DPH6: variants seen among roughly 807,000 people sequenced by gnomAD.
DPH6 encodes diphthine--ammonia ligase.
In DPH6, 33 loss-of-function variants were observed where a neutral mutation model predicts 38.2. That is an observed-to-expected ratio of 0.86 (90% CI 0.65 to 1.15). DPH6 has a LOEUF of 1.15. Among genes scored for constraint, DPH6 ranks in the 50% most tolerant of loss-of-function variants. The pLI is 0.00. For missense variants in DPH6, 325 were observed against 320.0 expected (o/e 1.02, Z -0.12); for synonymous variants, 108 against 103.0 (o/e 1.05, Z -0.30).
At chr15:35,531,985 T>C (rs1183004855) in intron 3 of DPH6, among the ~76,000 whole-genome samples, 1 of 152,036 alleles carries the variant, frequency 6.6e-6, no homozygotes, top group Non-Finnish European at 1.5e-5. Flanking sequence ...ATAGACAAGC[T>C]GCCATGGAAC....
chr15:35,250,215 AT>A (rs1342476987), intron 3 of DPH6, among the ~76,000 whole-genome samples: 1 of 151,394 alleles, frequency 6.6e-6, no homozygotes, highest in African/African-American at 2.4e-5. Flanking sequence ...AAACAAAAAA[AT>A]AAAAAAAATA....
At chr15:35,197,249 T>C in the DPH6 span, among the ~76,000 whole-genome samples, 1 of 152,090 alleles carries the variant, frequency 6.6e-6, no homozygotes, top group Non-Finnish European at 1.5e-5. Flanking sequence ...AAATCTACAA[T>C]AAAAATGGCA....
intron 3 of DPH6, among the ~76,000 whole-genome samples, chr15:35,250,280 C>T (rs1002296948): frequency 2.0e-5 from 3 of 152,166 alleles, no homozygotes; most frequent in Admixed American, 6.5e-5. Flanking sequence ...ACTAGAGCTT[C>T]CTGTGTCTTC....
At chr15:35,461,783 T>C (rs1473716913) in intron 3 of DPH6, among the ~76,000 whole-genome samples, 1 of 152,148 alleles carries the variant, frequency 6.6e-6, no homozygotes, top group Non-Finnish European at 1.5e-5. Flanking sequence ...AAGGAAGCTA[T>C]AAAAATTTAG....
chr15:35,364,256 A>G (rs2052637809), intron 3 of DPH6, among the ~76,000 whole-genome samples: 1 of 152,062 alleles, frequency 6.6e-6, no homozygotes. Context: ...GGATTTTACA[A>G]TGACCACCTA....
intron 3 of DPH6, chr15:35,282,620 C>A: frequency 5.0e-6 from 2 of 399,850 alleles, no homozygotes; most frequent in Non-Finnish European, 5.2e-6. Flanking sequence ...AATCTGGGAG[C>A]AGATTGGATC....
At chr15:35,407,751 T>G (rs1008063062) in intron 6 of DPH6, among the ~76,000 whole-genome samples, 1 of 151,830 alleles carries the variant, frequency 6.6e-6, no homozygotes, top group Non-Finnish European at 1.5e-5. Flanking sequence ...AAAGTGTGTT[T>G]AAGTAATAAA....
chr15:35,177,580 CAAAA>C, the DPH6 span, among the ~76,000 whole-genome samples: 18 of 60,250 alleles, frequency 3.0e-4, no homozygotes, highest in African/African-American at 1.2e-3. Flanking sequence ...ATCCCATCTC[CAAAA>C]AAAAAAAAAA....
intron 3 of DPH6, among the ~76,000 whole-genome samples, chr15:35,353,844 G>A (rs1357599297): frequency 1.3e-5 from 2 of 152,112 alleles, no homozygotes; most frequent in African/African-American, 4.8e-5. Context: ...GATGGGGATG[G>A]CATTGAATCT....
chr15:35,335,235 CTTTTTAATGGGGTTATTTCCTGTAAA>C (rs1040794556), intron 3 of DPH6, among the ~76,000 whole-genome samples: 39 of 152,198 alleles, frequency 2.6e-4, no homozygotes, highest in African/African-American at 9.4e-4. Flanking sequence ...CCTTTGCCCA[CTTTTTAATGGGGTTATTTCCTGTAAA>C]TTTAAGTTCC....
chr15:35,206,947 A>G, the DPH6 span, among the ~76,000 whole-genome samples: 1 of 151,984 alleles, frequency 6.6e-6, no homozygotes, highest in African/African-American at 2.4e-5. Context: ...TAAAACCATC[A>G]TATCATATCA....
chr15:35,269,397 T>A (rs2051806328), intron 3 of DPH6, among the ~76,000 whole-genome samples: 1 of 152,212 alleles, frequency 6.6e-6, no homozygotes, highest in African/African-American at 2.4e-5. Flanking sequence ...ATGAGATGTT[T>A]AGACTTATTT....
At chr15:35,328,707 T>C (rs2052304419), downstream of DPH6, among the ~76,000 whole-genome samples, 1 of 152,198 alleles carries the variant, frequency 6.6e-6, no homozygotes, top group African/African-American at 2.4e-5. Flanking sequence ...TTGTTCCAAA[T>C]AGGTAGGAAA....
At chr15:35,451,215 G>A (rs2053928812) in intron 4 of DPH6, among the ~76,000 whole-genome samples, 1 of 151,884 alleles carries the variant, frequency 6.6e-6, no homozygotes, top group Non-Finnish European at 1.5e-5. Context: ...ACAGTTATGT[G>A]AACTATTCTT....
chr15:35,187,846 C>T, the DPH6 span, among the ~76,000 whole-genome samples: 1 of 151,996 alleles, frequency 6.6e-6, no homozygotes, highest in South Asian at 2.1e-4. Flanking sequence ...AAGCAAAACC[C>T]CCACAAACAT....
intron 5 of DPH6, among the ~76,000 whole-genome samples, chr15:35,424,687 G>T (rs1052605943): frequency 1.3e-5 from 2 of 151,418 alleles, no homozygotes; most frequent in Non-Finnish European, 3.0e-5. Context: ...TGGGCAAGAT[G>T]GTTATATAAG....
chr15:35,462,993 G>C (rs1052050117), intron 3 of DPH6, among the ~76,000 whole-genome samples: 4 of 152,142 alleles, frequency 2.6e-5, no homozygotes, highest in African/African-American at 7.2e-5. Context: ...ATCAATATGG[G>C]ATGAATTAAC....
intron 3 of DPH6, among the ~76,000 whole-genome samples, chr15:35,481,102 G>A (rs2054321117): frequency 6.6e-6 from 1 of 152,090 alleles, no homozygotes; most frequent in Non-Finnish European, 1.5e-5. Flanking sequence ...ACCCACATGT[G>A]ACTACTGAAC....
At chr15:35,437,199 A>G (rs2053727980) in intron 5 of DPH6, among the ~76,000 whole-genome samples, 1 of 152,108 alleles carries the variant, frequency 6.6e-6, no homozygotes, top group African/African-American at 2.4e-5. Flanking sequence ...AAGAAAATGG[A>G]ACCAGGAACG....
Sources: allele counts gnomAD v4.1 joint callset (sites outside exome capture counted in the v4.1 genomes callset), GRCh38; gene constraint gnomAD v4.1.1; transcripts MANE v1.5; gene names NCBI Gene and HGNC (gene_info 2026-07-23, HGNC 2026-07-21).